Variants in POU3F3 observed in about 807,000 individuals in gnomAD.
The protein encoded by POU3F3 is POU domain, class 3, transcription factor 3.
Under a neutral mutation model 8.6 loss-of-function variants are expected in POU3F3, and 1 was observed. That is an observed-to-expected ratio of 0.12 (90% CI 0.04 to 0.55). The LOEUF (loss-of-function observed/expected upper bound fraction) is 0.55, where lower values mean the gene tolerates loss of function less well. Among genes scored for constraint, POU3F3 ranks in the 20% least tolerant of loss-of-function variants. The pLI, the probability that POU3F3 is intolerant of heterozygous loss-of-function variation, is 0.91. For missense variants in POU3F3, 577 were observed against 690.7 expected (o/e 0.84, Z 1.84); for synonymous variants, 418 against 327.4 (o/e 1.28, Z -2.99).
chr2:104,913,040 T>C, the POU3F3 span, among the ~76,000 whole-genome samples: 1 of 152,202 alleles, frequency 6.6e-6, no homozygotes, highest in Non-Finnish European at 1.5e-5. Flanking sequence ...GAAAAACATG[T>C]AGTGGGCTTT....
At chr2:104,897,092 C>T in the POU3F3 span, among the ~76,000 whole-genome samples, 1 of 152,090 alleles carries the variant, frequency 6.6e-6, no homozygotes, top group Non-Finnish European at 1.5e-5. Context: ...ACCTGATAGT[C>T]CAGAAGTAGA....
At chr2:104,893,739 CG>C in the POU3F3 span, among the ~76,000 whole-genome samples, 2 of 151,930 alleles carry the variant, frequency 1.3e-5, no homozygotes, top group Non-Finnish European at 2.9e-5. Context: ...AAAAATGAGC[CG>C]GGCATGGTGG....
chr2:104,879,138 T>A, the POU3F3 span, among the ~76,000 whole-genome samples: 1 of 151,654 alleles, frequency 6.6e-6, no homozygotes, highest in East Asian at 1.9e-4. Flanking sequence ...ACACACGTAA[T>A]CTTCAGTACA....
the POU3F3 span, among the ~76,000 whole-genome samples, chr2:104,882,408 T>C: frequency 1.4e-4 from 21 of 151,966 alleles, no homozygotes; most frequent in Non-Finnish European, 2.4e-4. Flanking sequence ...CCTGCCACCA[T>C]GCCCGGCTAA....
chr2:104,855,752 C>T lies in POU3F3; in HGVS notation c.242C>T (p.Ala81Val), dbSNP rs1392314847. ...GTCCAGAGCGACTTCATGCAGGGGG[C>T]CATGGCCGCCAGCAACGGCGGCCAT... is the stretch of plus-strand genomic sequence containing the variant. ...KMVQSDFMQGAMAASNGGHML... is the reference protein window; with the variant it reads ...KMVQSDFMQGVMAASNGGHML... Residue 81 changes from alanine to valine, a missense_variant, in exon 1 of 1, where the codon GCC becomes GTC. By Grantham distance (64) the Ala-to-Val change is moderately conservative (BLOSUM62 0). This residue lies in a region of POU3F3 where 484 missense variants were observed against 422.6 expected (regional missense o/e 1.15). Coordinates refer to ENST00000361360, the MANE Select transcript of POU3F3 (RefSeq NM_006236.3). 11 of 1,321,928 alleles carry T rather than the reference C, an allele frequency of 8.3e-6. No individual in the cohort carries two copies. Among genetic ancestry groups the T allele is most frequent in the Non-Finnish European group, 1.1e-5 (11 of 1,013,280 alleles). The allele number at this position is 1,321,928 out of a possible 1,614,324, so 81.9% of individuals were successfully genotyped here.
the POU3F3 span, among the ~76,000 whole-genome samples, chr2:104,914,335 C>T: frequency 6.6e-6 from 1 of 152,186 alleles, no homozygotes; most frequent in Non-Finnish European, 1.5e-5. Context: ...CAAGTTCTTA[C>T]ATTTATCAGG....
chr2:104,899,627 C>CA, the POU3F3 span, among the ~76,000 whole-genome samples: 1 of 151,948 alleles, frequency 6.6e-6, no homozygotes, highest in Non-Finnish European at 1.5e-5. Flanking sequence ...GAACAGTAGC[C>CA]AAAAAGAGAG....
At chr2:104,874,473 G>A in the POU3F3 span, among the ~76,000 whole-genome samples, 1 of 152,220 alleles carries the variant, frequency 6.6e-6, no homozygotes, top group South Asian at 2.1e-4. Flanking sequence ...CAGAATGGGA[G>A]TGCCCCTGGC....
the POU3F3 span, chr2:104,868,039 G>A: frequency 1.1e-5 from 4 of 351,598 alleles, no homozygotes; most frequent in South Asian, 8.6e-5. Flanking sequence ...GAATTGTTGG[G>A]AAAGGATTGG....
the POU3F3 span, among the ~76,000 whole-genome samples, chr2:104,869,064 G>C: frequency 6.6e-6 from 1 of 152,144 alleles, no homozygotes; most frequent in Non-Finnish European, 1.5e-5. Flanking sequence ...AGACACCTAG[G>C]GGTTCAAAAA....
chr2:104,923,042 G>A, the POU3F3 span, among the ~76,000 whole-genome samples: 1 of 152,142 alleles, frequency 6.6e-6, no homozygotes, highest in African/African-American at 2.4e-5. Context: ...CCTATATCTA[G>A]CAAAACTATT....
At chr2:104,861,521 G>A (rs1676654806), downstream of POU3F3, among the ~76,000 whole-genome samples, 1 of 152,202 alleles carries the variant, frequency 6.6e-6, no homozygotes, top group Admixed American at 6.5e-5. Context: ...AGACATCTAC[G>A]TTGGGAAAGG....
chr2:104,901,108 T>C, the POU3F3 span, among the ~76,000 whole-genome samples: 1 of 152,232 alleles, frequency 6.6e-6, no homozygotes, highest in African/African-American at 2.4e-5. Context: ...CTGCATTAAA[T>C]GTCATAGCAT....
the POU3F3 span, among the ~76,000 whole-genome samples, chr2:104,876,731 C>G: frequency 6.6e-6 from 1 of 152,306 alleles, no homozygotes; most frequent in Middle Eastern, 3.4e-3. Context: ...CTTGGCGCAT[C>G]GAACCACACT....
chr2:104,893,158 C>T, the POU3F3 span, among the ~76,000 whole-genome samples: 1 of 152,208 alleles, frequency 6.6e-6, no homozygotes, highest in African/African-American at 2.4e-5. Context: ...CTCCAAGTCA[C>T]TCAATCACTC....
At chr2:104,893,880 T>C in the POU3F3 span, among the ~76,000 whole-genome samples, 2 of 120,810 alleles carry the variant, frequency 1.7e-5, no homozygotes, top group Non-Finnish European at 1.7e-5. Flanking sequence ...CAAAACTCTG[T>C]CTCAAAAAAA....
At chr2:104,896,943 C>A in the POU3F3 span, among the ~76,000 whole-genome samples, 3 of 152,246 alleles carry the variant, frequency 2.0e-5, no homozygotes, top group Non-Finnish European at 4.4e-5. Flanking sequence ...AATCAAGGGA[C>A]TCTGGCTGTT....
chr2:104,890,849 T>G, the POU3F3 span, among the ~76,000 whole-genome samples: 1 of 152,200 alleles, frequency 6.6e-6, no homozygotes, highest in Non-Finnish European at 1.5e-5. Context: ...TTTCTAATCT[T>G]GCTGAGTGCA....
the POU3F3 span, among the ~76,000 whole-genome samples, chr2:104,869,477 G>A: frequency 1.3e-5 from 2 of 152,224 alleles, no homozygotes; most frequent in Non-Finnish European, 2.9e-5. Context: ...ACTGAGTGAT[G>A]TGGGTCTCCT....
Sources: allele counts gnomAD v4.1 joint callset (sites outside exome capture counted in the v4.1 genomes callset), GRCh38; gene constraint gnomAD v4.1.1; regional missense constraint gnomAD v4.1.1; transcripts MANE v1.5; gene names NCBI Gene and HGNC (gene_info 2026-07-23, HGNC 2026-07-21).